The following NSRP1 variants were observed in gnomAD, a reference collection of about 807,000 sequenced individuals.
NSRP1 encodes the protein nuclear speckle splicing regulatory protein 1, also known as coiled-coil domain containing 55.
NSRP1 carries 24 observed loss-of-function variants against 54.7 expected under a neutral mutation model. That is an observed-to-expected ratio of 0.44 (90% CI 0.32 to 0.62). The LOEUF (loss-of-function observed/expected upper bound fraction) is 0.62. Ranked by LOEUF, NSRP1 falls within the 20% of genes least tolerant of loss-of-function variation. The probability of loss-of-function intolerance (pLI) is 0.06; values close to 1 mark genes in which losing one functional copy is unlikely to be tolerated. For synonymous variants in NSRP1, 210 were observed against 213.8 expected (o/e 0.98, Z 0.15); for missense variants, 596 against 651.2 (o/e 0.92, Z 0.92).
intron 2 of NSRP1, among the ~76,000 whole-genome samples, chr17:30,136,300 G>T (rs1318649683): frequency 2.6e-5 from 4 of 151,802 alleles, no homozygotes; most frequent in Admixed American, 2.6e-4. Context: ...TGTTTTTTTG[G>T]ACTATTCTGT....
At chr17:30,179,659 T>C (rs1408556901) in intron 5 of NSRP1, among the ~76,000 whole-genome samples, 1 of 152,114 alleles carries the variant, frequency 6.6e-6, no homozygotes, top group Non-Finnish European at 1.5e-5. Flanking sequence ...TAGTTACATT[T>C]TTTTGGGATG....
intron 2 of NSRP1, among the ~76,000 whole-genome samples, chr17:30,141,874 C>T (rs939777481): frequency 6.6e-6 from 1 of 152,066 alleles, no homozygotes; most frequent in African/African-American, 2.4e-5. Context: ...CATGGTGGCC[C>T]GCACTTGTAG....
chr17:30,176,689 T>C (rs1597620773), intron 3 of NSRP1, among the ~76,000 whole-genome samples: 2 of 150,738 alleles, frequency 1.3e-5, no homozygotes, highest in East Asian at 4.0e-4. Context: ...ATTTCTTAGA[T>C]TCCATGTTTC....
At chr17:30,184,506 T>C in intron 6 of NSRP1, 109 bp from the exon 7 acceptor site, 1 of 1,359,094 alleles carries the variant, frequency 7.4e-7, no homozygotes, top group Non-Finnish European at 9.8e-7. Context: ...TATATCACTA[T>C]AGGTGTATTG....
chr17:30,172,349 T>TG (rs1268604798), intron 2 of NSRP1, among the ~76,000 whole-genome samples, 193 bp from the exon 3 acceptor site: 2 of 152,210 alleles, frequency 1.3e-5, no homozygotes, highest in African/African-American at 4.8e-5. Flanking sequence ...AGCACTAATG[T>TG]GAAGCTCAAA....
chr17:30,160,167 A>G (rs1597612480), intron 2 of NSRP1, among the ~76,000 whole-genome samples: 1 of 152,196 alleles, frequency 6.6e-6, no homozygotes, highest in South Asian at 2.1e-4. Flanking sequence ...ATTGTGGTAT[A>G]TTGTCCTTTT....
chr17:30,178,835 A>C (rs1905208948), intron 4 of NSRP1, among the ~76,000 whole-genome samples: 1 of 152,116 alleles, frequency 6.6e-6, no homozygotes, highest in Admixed American at 6.5e-5. Flanking sequence ...ATACCAGAAA[A>C]AAGAAAAAAA....
chr17:30,145,360 G>A (rs536613894), intron 2 of NSRP1, among the ~76,000 whole-genome samples: 2 of 152,220 alleles, frequency 1.3e-5, no homozygotes, highest in South Asian at 2.1e-4. Context: ...CAAGGTGGGC[G>A]GATCACGAGG....
At chr17:30,146,723 C>A (rs2071859199) in intron 2 of NSRP1, among the ~76,000 whole-genome samples, 2 of 152,202 alleles carry the variant, frequency 1.3e-5, no homozygotes, top group Non-Finnish European at 2.9e-5. Context: ...GCCACCTCTG[C>A]CTCCCGAGTA....
chr17:30,123,096 TTTTTA>T (rs1195350539), intron 2 of NSRP1, among the ~76,000 whole-genome samples: 44 of 138,638 alleles, frequency 3.2e-4, no homozygotes, highest in Non-Finnish European at 4.9e-4. Flanking sequence ...CATTTATCTC[TTTTTA>T]TTTTATTTTA....
intron 2 of NSRP1, among the ~76,000 whole-genome samples, chr17:30,135,109 T>TTTTC (rs1567792471): frequency 1.3e-5 from 2 of 151,946 alleles, no homozygotes; most frequent in African/African-American, 4.8e-5. Context: ...ATCATAATTG[T>TTTTC]TTTATTTCTT....
At chr17:30,134,324 AT>A (rs1473439465) in intron 2 of NSRP1, among the ~76,000 whole-genome samples, 1 of 152,252 alleles carries the variant, frequency 6.6e-6, no homozygotes, top group Non-Finnish European at 1.5e-5. Context: ...AGTTTGAAAT[AT>A]TGTGAGAATT....
intron 6 of NSRP1, among the ~76,000 whole-genome samples, chr17:30,183,014 A>G (rs1905368404): frequency 6.6e-6 from 1 of 152,062 alleles, no homozygotes; most frequent in Non-Finnish European, 1.5e-5. Flanking sequence ...CATTTCATAT[A>G]CTCAGTTGCC....
Position 30,185,629 on chromosome 17 carries a change from G to A in NSRP1, c.1632G>A (p.Met544Ile), listed in dbSNP as rs759541223. The A allele has an allele frequency of 3.1e-6, 5 of 1,611,498 alleles. No homozygotes were observed. The highest frequency in any genetic ancestry group is 3.4e-6 in the Non-Finnish European group (4 of 1,179,320). Residue 544 changes from methionine to isoleucine, a missense_variant, in exon 7 of 7, where the codon ATG becomes ATA. Transcript: ENST00000247026. ...GAGACAGGTACTTGGCCAGGCAGAT[G>A]GCGCGGGTTAATGCAAAGACCTATA... ...SARDRYLARQ[M>I]ARVNAKTYIE...
At chr17:30,137,761 C>T (rs2071762907) in intron 2 of NSRP1, among the ~76,000 whole-genome samples, 1 of 152,070 alleles carries the variant, frequency 6.6e-6, no homozygotes, top group African/African-American at 2.4e-5. Flanking sequence ...AGTGAAACCA[C>T]TCTTTAAAAT....
intron 3 of NSRP1, among the ~76,000 whole-genome samples, chr17:30,177,580 CTTTATG>C (rs922788996): frequency 6.6e-5 from 10 of 152,030 alleles, no homozygotes; most frequent in African/African-American, 2.4e-5. Context: ...AAGGCAGAGA[CTTTATG>C]TTTAACAACT....
intron 2 of NSRP1, among the ~76,000 whole-genome samples, chr17:30,136,714 T>G (rs895317979): frequency 1.3e-5 from 2 of 152,176 alleles, no homozygotes; most frequent in Admixed American, 6.5e-5. Flanking sequence ...ATTTTATAGT[T>G]GAGGAAACAG....
At chr17:30,171,976 C>A (rs55889412) in intron 2 of NSRP1, among the ~76,000 whole-genome samples, 1,254 of 80,098 alleles carry the variant, frequency 0.016, 13 homozygotes, top group African/African-American at 0.031. Context: ...ACACACACTC[C>A]CTCTCTCTCT....
chr17:30,176,009 C>A lies in NSRP1; in HGVS notation c.172-2062C>A, dbSNP rs200368084. Among the ~76,000 whole-genome samples the A allele has an allele frequency of 4.9e-4, 59 of 121,376 alleles. 2 individuals carry two copies. Among genetic ancestry groups the A allele is most frequent in the Admixed American group, 6.6e-4 (8 of 12,048 alleles). 79.6% of individuals were successfully genotyped at this position (121,376 alleles called of 152,430 possible). On this transcript the variant is annotated intron_variant, in intron 3 of 6. Transcript: ENST00000247026. Reference sequence around the variant, plus strand: ...CAGAGCAAGACTCCGAACCCCCCCCCCAAAAAAAAAGAAAAAAGAAAATGT... The same window carrying A: ...CAGAGCAAGACTCCGAACCCCCCCCACAAAAAAAAAGAAAAAAGAAAATGT...
Sources: gnomAD v4.1 joint callset for allele counts (sites outside exome capture counted in the v4.1 genomes callset) on GRCh38, gnomAD v4.1.1 for gene constraint, MANE v1.5 for transcripts, NCBI Gene and HGNC (gene_info 2026-07-23, HGNC 2026-07-21) for gene names.